The following WFDC5 variants were observed in gnomAD, a reference collection of about 807,000 sequenced individuals.
WFDC5 encodes the protein WAP four-disulfide core domain 5.
Under a neutral mutation model 15.7 loss-of-function variants are expected in WFDC5, and 15 were observed. That is an observed-to-expected ratio of 0.96 (90% CI 0.64 to 1.47). The LOEUF (loss-of-function observed/expected upper bound fraction) is 1.47, where lower values mean the gene tolerates loss of function less well. Ranked by LOEUF, WFDC5 falls within the 40% of genes most tolerant of loss-of-function variation. The probability of loss-of-function intolerance (pLI) is 0.00; values close to 1 mark genes in which losing one functional copy is unlikely to be tolerated. For synonymous variants in WFDC5, 109 were observed against 107.7 expected, an observed-to-expected ratio of 1.01 and a Z score of -0.07; for missense variants, 280 against 258.0, an observed-to-expected ratio of 1.09 and a Z score of -0.59.
exon 4 of WFDC5, chr20:45,109,980 G>A: frequency 6.2e-7 from 1 of 1,614,150 alleles, no homozygotes; most frequent in Non-Finnish European, 8.5e-7. Context: ...CCCCAGCTTA[G>A]GTGCAGAGCC....
intron 1 of WFDC5, among the ~76,000 whole-genome samples, chr20:45,111,287 C>G (rs1045552631): frequency 3.1e-5 from 4 of 130,488 alleles, no homozygotes; most frequent in East Asian, 2.0e-4. Flanking sequence ...AGCGCCCCCC[C>G]ACCCCGGCCC....
chr20:45,110,375 T>C (rs111436767), exon 3 of WFDC5: 2 of 1,579,492 alleles, frequency 1.3e-6, no homozygotes, highest in Admixed American at 3.7e-5. Flanking sequence ...GGGAGGCACC[T>C]GCCCTGGGCA....
At chr20:45,114,005 C>T (rs1382953126) in intron 1 of WFDC5, among the ~76,000 whole-genome samples, 2 of 152,194 alleles carry the variant, frequency 1.3e-5, no homozygotes. Flanking sequence ...AACTCAGAGT[C>T]AGTCTTTGAC....
At chr20:45,112,872 CAT>C (rs763075563) in intron 1 of WFDC5, among the ~76,000 whole-genome samples, 1 of 152,042 alleles carries the variant, frequency 6.6e-6, no homozygotes, top group Admixed American at 6.6e-5. Context: ...TATTTATAAA[CAT>C]ATATAAACAG....
chr20:45,110,236 T>A (rs1981572197), intron 3 of WFDC5, 164 bp downstream of exon 3: 1 of 1,314,366 alleles, frequency 7.6e-7, no homozygotes, highest in Admixed American at 2.5e-5. Flanking sequence ...GGGTCCTCTG[T>A]CATCCTAGCA....
chr20:45,114,465 A>G (rs1003893807), intron 1 of WFDC5, among the ~76,000 whole-genome samples: 4 of 151,992 alleles, frequency 2.6e-5, no homozygotes, highest in African/African-American at 9.7e-5. Context: ...CCTCTCCTCA[A>G]TTCCCAAGTC....
At chr20:45,115,655 C>T (rs892247755), upstream of WFDC5, among the ~76,000 whole-genome samples, 19 of 152,136 alleles carry the variant, frequency 1.2e-4, no homozygotes, top group African/African-American at 4.3e-4. Context: ...AAAGACCACC[C>T]CGCCTTTGGT....
intron 1 of WFDC5, among the ~76,000 whole-genome samples, chr20:45,112,149 A>G (rs943304719): frequency 6.6e-6 from 1 of 152,070 alleles, no homozygotes; most frequent in African/African-American, 2.4e-5. Context: ...GGAGGGGGAA[A>G]AAGTGTGGGT....
At chr20:45,115,297 G>A (rs553829845), upstream of WFDC5, 32 of 543,594 alleles carry the variant, frequency 5.9e-5, no homozygotes, top group Non-Finnish European at 7.2e-5. Flanking sequence ...TCCTGCATGT[G>A]GGGGACTCAG....
exon 4 of WFDC5, chr20:45,110,007 A>G (rs776826502): frequency 4.3e-6 from 7 of 1,613,228 alleles, no homozygotes; most frequent in Non-Finnish European, 5.1e-6. Flanking sequence ...CCTAAATCAG[A>G]ATTAGCCTGA....
At chr20:45,112,177 AT>A (rs1408163945) in intron 1 of WFDC5, among the ~76,000 whole-genome samples, 2 of 152,170 alleles carry the variant, frequency 1.3e-5, no homozygotes, top group African/African-American at 4.8e-5. Context: ...GGTGGGGGTG[AT>A]GGGAGGGTTC....
chr20:45,113,752 G>A (rs1981681507), intron 1 of WFDC5, among the ~76,000 whole-genome samples: 2 of 152,182 alleles, frequency 1.3e-5, no homozygotes, highest in Admixed American at 1.3e-4. Flanking sequence ...TGTTGGGGGT[G>A]CATTGTCCTG....
At position 45,110,791 on chromosome 20, in the gene WFDC5, C is replaced by T. The variant is rs917296806; in HGVS notation, c.86-16G>A. The T allele has an allele frequency of 6.2e-7, 1 of 1,613,314 alleles. No homozygotes were observed. Among genetic ancestry groups the T allele is most frequent in the African/African-American group, 1.3e-5 (1 of 74,936 alleles). ...CCCGATTTCTCTGTAAGAGAATCTCCTAATATTGCAGCTGGAGGAAGCTCA... is the reference window on the plus strand; with the variant it reads ...CCCGATTTCTCTGTAAGAGAATCTCTTAATATTGCAGCTGGAGGAAGCTCA... On this transcript the variant is annotated splice_polypyrimidine_tract_variant and intron_variant, in intron 1 of 3. Coordinates refer to ENST00000307971, the Ensembl canonical transcript of WFDC5.
intron 1 of WFDC5, 120 bp downstream of exon 1, chr20:45,114,879 G>T: frequency 1.2e-6 from 1 of 868,124 alleles, no homozygotes; most frequent in South Asian, 1.8e-5. Context: ...ACGCACGCAC[G>T]CACACACACA....
intron 1 of WFDC5, among the ~76,000 whole-genome samples, chr20:45,112,086 T>G (rs1309779057): frequency 1.3e-5 from 2 of 151,698 alleles, no homozygotes; most frequent in African/African-American, 4.8e-5. Flanking sequence ...TCACATCGGG[T>G]TGGTTTAAAT....
At chr20:45,109,815 C>G (rs756198799) in exon 4 of WFDC5, 9 of 799,196 alleles carry the variant, frequency 1.1e-5, no homozygotes, top group Admixed American at 4.0e-5. Context: ...AGGCTATGGA[C>G]TTTGACTCCC....
At chr20:45,112,880 A>T (rs764033262) in intron 1 of WFDC5, among the ~76,000 whole-genome samples, 1 of 152,234 alleles carries the variant, frequency 6.6e-6, no homozygotes, top group Non-Finnish European at 1.5e-5. Flanking sequence ...AACATATATA[A>T]ACAGGCAGTC....
At chr20:45,114,927 C>G in intron 1 of WFDC5, 72 bp downstream of exon 1, 1 of 1,553,578 alleles carries the variant, frequency 6.4e-7, no homozygotes, top group South Asian at 1.2e-5. Flanking sequence ...CCTGCCTTCC[C>G]CCAAACCCTT....
Position 45,110,154 on chromosome 20 carries a change from C to G in WFDC5, c.394-141G>C, listed in dbSNP as rs1305207387. The G allele has an allele frequency of 5.3e-6, 7 of 1,324,938 alleles. No individual in the cohort carries two copies. In the Admixed American group the frequency reaches 1.8e-4, roughly 34 times the overall value. 82.1% of individuals were successfully genotyped at this position (1,324,938 alleles called of 1,614,324 possible). A position where few individuals can be genotyped will look rare whatever the true frequency, so the allele number is the denominator to read the frequency against. On this transcript the variant is annotated intron_variant, in intron 3 of 3. Transcript: ENST00000307971. ...CCTCTGCCCCCTTCAAAAGGGCAAACAGAAGCCCAGAGCAGTTTAGGGCTG... is the reference window on the plus strand; with the variant it reads ...CCTCTGCCCCCTTCAAAAGGGCAAAGAGAAGCCCAGAGCAGTTTAGGGCTG...
Sources: allele counts gnomAD v4.1 joint callset (sites outside exome capture counted in the v4.1 genomes callset), GRCh38; gene constraint gnomAD v4.1.1; transcripts MANE v1.5; gene names NCBI Gene and HGNC (gene_info 2026-07-23, HGNC 2026-07-21).